Variants in GRAMD4 observed in about 807,000 individuals in gnomAD.
GRAMD4 encodes GRAM domain containing 4.
In GRAMD4, 25 loss-of-function variants were observed where a neutral mutation model predicts 83.9. The ratio of observed to expected loss-of-function variants is 0.30; its 90% CI spans 0.22 to 0.42. The LOEUF (loss-of-function observed/expected upper bound fraction) is 0.42. Ranked by LOEUF, GRAMD4 falls within the 10% of genes least tolerant of loss-of-function variation. The pLI, the probability that GRAMD4 is intolerant of heterozygous loss-of-function variation, is 1.00. For missense variants in GRAMD4, 593 were observed against 788.7 expected (o/e 0.75, Z 2.97); for synonymous variants, 336 against 320.9 (o/e 1.05, Z -0.50).
intron 1 of GRAMD4, among the ~76,000 whole-genome samples, chr22:46,609,975 T>C (rs929297299): frequency 2.0e-5 from 3 of 152,196 alleles, no homozygotes; most frequent in African/African-American, 7.2e-5. Flanking sequence ...GGCGCCCTCC[T>C]TGCTGGCTCC....
chr22:46,600,758 T>G (rs982764413), intron 1 of GRAMD4, among the ~76,000 whole-genome samples: 3 of 152,210 alleles, frequency 2.0e-5, no homozygotes, highest in African/African-American at 7.2e-5. Context: ...AAATCAAAAC[T>G]AAGAAATTTA....
At chr22:46,654,582 G>A (rs1010201851) in intron 3 of GRAMD4, among the ~76,000 whole-genome samples, 2 of 152,222 alleles carry the variant, frequency 1.3e-5, no homozygotes, top group Non-Finnish European at 2.9e-5. Context: ...TGCAGGGGGT[G>A]GGGTTTGTGG....
At chr22:46,626,117 A>C (rs1311218727) in intron 1 of GRAMD4, among the ~76,000 whole-genome samples, 1 of 152,154 alleles carries the variant, frequency 6.6e-6, no homozygotes, top group African/African-American at 2.4e-5. Context: ...CAGAGGGAGC[A>C]GTGTGGGCGG....
intron 1 of GRAMD4, among the ~76,000 whole-genome samples, chr22:46,615,020 T>G (rs915231536): frequency 3.0e-5 from 3 of 100,270 alleles, no homozygotes; most frequent in Admixed American, 9.2e-5. Flanking sequence ...CCTGTGCGTG[T>G]GGGTTCCCCC....
intron 3 of GRAMD4, among the ~76,000 whole-genome samples, chr22:46,639,281 CGTGCCTGT>C (rs1047979533): frequency 6.6e-4 from 58 of 88,348 alleles, no homozygotes; most frequent in African/African-American, 2.5e-3. Context: ...TAACCCTGTG[CGTGCCTGT>C]GTGCCTGTGT....
rs1011368610 is a variant in GRAMD4, at chr22:46,679,118, G to T, written c.*1867G>T. On this transcript the variant is annotated 3_prime_UTR_variant, in exon 19 of 19. Transcript: ENST00000406902. ...ACCCCCAGGGGCGGCTGCAGAGGCAGTGCCCGCAGACAATGGCCACACCTC... is the reference window on the plus strand; with the variant it reads ...ACCCCCAGGGGCGGCTGCAGAGGCATTGCCCGCAGACAATGGCCACACCTC... 2 of 985,550 alleles carry T rather than the reference G, an allele frequency of 2.0e-6. No homozygotes were observed. The highest frequency in any genetic ancestry group is 1.7e-5 in the African/African-American group (1 of 57,370). The allele number at this position is 985,550 out of a possible 1,614,324, so 61.1% of individuals were successfully genotyped here.
intron 1 of GRAMD4, among the ~76,000 whole-genome samples, chr22:46,624,963 C>G (rs896339415): frequency 6.6e-6 from 1 of 151,692 alleles, no homozygotes; most frequent in Non-Finnish European, 1.5e-5. Context: ...TGGGTTCATG[C>G]CATTCTCCTG....
In GRAMD4 at chr22:46,661,462, T is replaced by C; in HGVS notation, c.466+20T>C. 1 of 1,584,796 alleles carries C rather than the reference T, an allele frequency of 6.3e-7. No individual in the cohort carries two copies. Among genetic ancestry groups the C allele is most frequent in the Non-Finnish European group, 8.6e-7 (1 of 1,159,716 alleles). On this transcript the variant is annotated intron_variant, in intron 5 of 18. Coordinates refer to ENST00000406902, the MANE Select transcript of GRAMD4 (RefSeq NM_015124.5). ...GAGCAGGTACACCCTGGTGGGCGGGTGGACAGGCAGGCGGGCGGGTGGGTG... is the reference window on the plus strand; with the variant it reads ...GAGCAGGTACACCCTGGTGGGCGGGCGGACAGGCAGGCGGGCGGGTGGGTG...
At position 46,608,260 on chromosome 22, in the gene GRAMD4, C is replaced by G. The variant is rs1003009760; in HGVS notation, c.-49-18491C>G. 3.9e-5 allele frequency among the ~76,000 whole-genome samples: 6 copies of G among 152,334 alleles called. 1 individual carries two copies. The highest frequency in any genetic ancestry group is 6.5e-5 in the Admixed American group (1 of 15,300). On this transcript the variant is annotated intron_variant, in intron 1 of 1. Transcript: ENST00000431155. The stretch of plus-strand genomic sequence containing the variant: ...TCTCTCATCTTCCATCAGGGCCGCC[C>G]GTGCTCTCAGGCCTGTCAGGACACT...
chr22:46,640,887 A>G (rs1156828764), intron 3 of GRAMD4, among the ~76,000 whole-genome samples: 1 of 151,600 alleles, frequency 6.6e-6, no homozygotes, highest in Non-Finnish European at 1.5e-5. Context: ...TCAGCTGTAA[A>G]TATTTCAGTG....
At chr22:46,642,190 C>G (rs935757469) in intron 3 of GRAMD4, among the ~76,000 whole-genome samples, 1 of 152,236 alleles carries the variant, frequency 6.6e-6, no homozygotes, top group African/African-American at 2.4e-5. Context: ...TTCGGTGTGA[C>G]CAGATATCCC....
chr22:46,673,683 C>T lies in GRAMD4; in HGVS notation c.1253C>T (p.Ser418Leu), dbSNP rs141984137. ...TGCCGTTGGCAGCTGCAGACGACCTCGTCACGGAGCTACGTACCCAGCGCA... is the reference window on the plus strand; with the variant it reads ...TGCCGTTGGCAGCTGCAGACGACCTTGTCACGGAGCTACGTACCCAGCGCA... ...AAVSRRLQTT[S>L]SRSYVPSAPA... Residue 418 changes from serine to leucine, a missense_variant, in exon 15 of 19, where the codon TCG becomes TTG. Physicochemically the swap from Ser to Leu is moderately radical, Grantham distance 145. Coordinates refer to ENST00000406902, the MANE Select transcript of GRAMD4 (RefSeq NM_015124.5). 7 of 1,611,754 alleles carry T rather than the reference C, an allele frequency of 4.3e-6. No individual in the cohort carries two copies. The African/African-American group carries it at 5.3e-5, about 12-fold the overall frequency.
chr22:46,680,633 T>TCCAC (rs1555980615), downstream of GRAMD4, among the ~76,000 whole-genome samples: 73 of 79,572 alleles, frequency 9.2e-4, no homozygotes, highest in Middle Eastern at 7.1e-3. Context: ...CATTCATCCC[T>TCCAC]CCATCCATTC....
intron 1 of GRAMD4, among the ~76,000 whole-genome samples, chr22:46,600,162 T>A (rs1367482966): frequency 2.0e-5 from 3 of 152,216 alleles, no homozygotes; most frequent in African/African-American, 7.2e-5. Flanking sequence ...TGTGCCCTTC[T>A]GTGAGAGAAT....
chr22:46,590,436 C>G (rs13058441), intron 1 of GRAMD4, among the ~76,000 whole-genome samples: 1 of 151,896 alleles, frequency 6.6e-6, no homozygotes, highest in Non-Finnish European at 1.5e-5. Flanking sequence ...CCACTAACCC[C>G]GAGGGCTGGG....
Position 46,674,611 on chromosome 22 carries a change from G to C in GRAMD4, c.1385-46G>C, listed in dbSNP as rs781544627. ...GGGTCCCAGCGTCAGGTCAGAGGCT[G>C]GGTACTTCCAGTGGAAAGTGTGACA... On this transcript the variant is annotated intron_variant, in intron 15 of 18. Transcript: ENST00000406902. 3.9e-6 allele frequency: 5 copies of C among 1,290,404 alleles called. No homozygotes were observed. The East Asian group carries it at 1.2e-4, about 30-fold the overall frequency. The allele number at this position is 1,290,404 out of a possible 1,614,324, so 79.9% of individuals were successfully genotyped here.
chr22:46,635,504 C>A (rs117340045), intron 2 of GRAMD4, among the ~76,000 whole-genome samples: 1 of 9,568 alleles, frequency 1.0e-4, no homozygotes, highest in Non-Finnish European at 1.7e-4. Context: ...CTGGGAGGCC[C>A]TATCCTCCCT....
chr22:46,675,848 ACCCT>A (rs1217995816), intron 17 of GRAMD4, among the ~76,000 whole-genome samples: 45 of 151,730 alleles, frequency 3.0e-4, no homozygotes, highest in Middle Eastern at 3.4e-3. Flanking sequence ...CGTATCTGGG[ACCCT>A]CCCCATAAAG....
At chr22:46,604,734 C>T (rs2081348722) in intron 1 of GRAMD4, among the ~76,000 whole-genome samples, 1 of 152,288 alleles carries the variant, frequency 6.6e-6, no homozygotes, top group East Asian at 1.9e-4. Context: ...TGGGTTCACC[C>T]AGGTTCTGGT....
Sources: gnomAD v4.1 joint callset for allele counts (sites outside exome capture counted in the v4.1 genomes callset) on GRCh38, gnomAD v4.1.1 for gene constraint, MANE v1.5 for transcripts, NCBI Gene and HGNC (gene_info 2026-07-23, HGNC 2026-07-21) for gene names.